Variants in DNAH11 observed in about 807,000 individuals in gnomAD.
DNAH11 encodes dynein axonemal heavy chain 11.
A neutral mutation model predicts 526.0 loss-of-function variants in DNAH11; 442 were observed. That is an observed-to-expected ratio of 0.84 (90% CI 0.78 to 0.91). The LOEUF (loss-of-function observed/expected upper bound fraction) is 0.91. DNAH11 is among the 40% of genes least tolerant of loss of function. DNAH11 has a pLI of 0.00. For synonymous variants in DNAH11, 2,461 were observed against 1,935.9 expected (o/e 1.27, Z -7.12); for missense variants, 6,989 against 5,448.7 (o/e 1.28, Z -8.90).
rs765500854 is a variant in DNAH11, at chr7:21,707,763, A to G, written c.6611A>G (p.Asn2204Ser). The change falls in exon 40 of 82, where the codon AAC (asparagine) becomes AGC (serine). Residue 2204 changes from asparagine to serine, a missense_variant. Asn to Ser is a conservative substitution (Grantham distance 46). Coordinates refer to ENST00000409508, the MANE Select transcript of DNAH11 (RefSeq NM_001277115.2). ...CAGAAGCCGGTTTGGAATGACTTAA[A>G]CCCTAAAGCTGTGACAACAGATGAA... ...MKQKPVWNDLNPKAVTTDELF... is the reference protein window; with the variant it reads ...MKQKPVWNDLSPKAVTTDELF... 7 of 1,613,284 alleles carry G rather than the reference A, an allele frequency of 4.3e-6. No individual in the cohort carries two copies. The highest frequency in any genetic ancestry group is 5.9e-6 in the Non-Finnish European group (7 of 1,179,572).
intron 20 of DNAH11, among the ~76,000 whole-genome samples, chr7:21,610,231 G>T (rs1785465082): frequency 1.3e-5 from 2 of 152,250 alleles, no homozygotes; most frequent in East Asian, 1.9e-4. Context: ...TCCAGCCTGG[G>T]CGACAGTGCG....
At chr7:21,692,914 G>T (rs1418198431) in intron 35 of DNAH11, among the ~76,000 whole-genome samples, 1 of 152,132 alleles carries the variant, frequency 6.6e-6, no homozygotes, top group Non-Finnish European at 1.5e-5. Context: ...GCATCTCCAT[G>T]ATGGCTAATG....
intron 18 of DNAH11, among the ~76,000 whole-genome samples, chr7:21,604,800 C>T (rs989760728): frequency 6.6e-6 from 1 of 152,196 alleles, no homozygotes; most frequent in Non-Finnish European, 1.5e-5. Context: ...GCTTCCCAGC[C>T]ATGGCCTCCG....
At chr7:21,881,824 C>T (rs1002105889) in intron 75 of DNAH11, among the ~76,000 whole-genome samples, 2 of 152,096 alleles carry the variant, frequency 1.3e-5, no homozygotes, top group Non-Finnish European at 2.9e-5. Context: ...CCCTTGGTAC[C>T]TAACAGGCAT....
intron 2 of DNAH11, among the ~76,000 whole-genome samples, chr7:21,548,861 A>T (rs1782909319): frequency 6.6e-6 from 1 of 151,908 alleles, no homozygotes; most frequent in Non-Finnish European, 1.5e-5. Flanking sequence ...GACCTCCGCA[A>T]TGTGGGAAAG....
At chr7:21,603,132 T>C (rs1785156136) in intron 18 of DNAH11, among the ~76,000 whole-genome samples, 1 of 152,234 alleles carries the variant, frequency 6.6e-6, no homozygotes, top group Non-Finnish European at 1.5e-5. Context: ...ACTCTAGATA[T>C]TTCAGATAGA....
In DNAH11 at chr7:21,658,717, G is replaced by A. The variant is rs73271695; in HGVS notation, c.5095-81G>A. On this transcript the variant is annotated intron_variant, in intron 29 of 81. Transcript: ENST00000409508. The stretch of plus-strand genomic sequence containing the variant: ...ATCCACCTGGGGCATTACCCTCTGC[G>A]TGGCCTTAGAGCCAGTAGGAGGATG... The A allele has an allele frequency of 7.3e-3, 8,834 of 1,209,724 alleles. 477 individuals are homozygous for A. The African/African-American group carries it at 0.12, about 16-fold the overall frequency. 74.9% of individuals were successfully genotyped at this position (1,209,724 alleles called of 1,614,324 possible). A position where few individuals can be genotyped will look rare whatever the true frequency, so the allele number is the denominator to read the frequency against.
chr7:21,845,765 G>T lies in DNAH11; in HGVS notation c.10896+3017G>T, dbSNP rs747767792. On this transcript the variant is annotated intron_variant, in intron 66 of 81. Coordinates refer to ENST00000409508, the MANE Select transcript of DNAH11 (RefSeq NM_001277115.2). ...TCAACATCTATAAAATAATGTACAG[G>T]TATTTTGAATAATATTGTGTTGAAT... is the stretch of plus-strand genomic sequence containing the variant. Among the ~76,000 whole-genome samples the T allele has an allele frequency of 4.6e-5, 7 of 152,048 alleles. No individual in the cohort carries two copies. In the South Asian group the frequency reaches 8.3e-4, roughly 18 times the overall value.
At chr7:21,665,466 G>A (rs1782387651) in intron 30 of DNAH11, among the ~76,000 whole-genome samples, 1 of 152,062 alleles carries the variant, frequency 6.6e-6, no homozygotes, top group Non-Finnish European at 1.5e-5. Context: ...TTGCAAGATA[G>A]TGCCAAATTT....
chr7:21,657,331 C>T (rs975561825), intron 29 of DNAH11, among the ~76,000 whole-genome samples: 4 of 152,082 alleles, frequency 2.6e-5, no homozygotes, highest in African/African-American at 9.7e-5. Flanking sequence ...CTCTTAGGCC[C>T]ATTGAGAAAA....
At chr7:21,653,531 C>CTTTG (rs1378568953) in intron 28 of DNAH11, among the ~76,000 whole-genome samples, 1 of 152,152 alleles carries the variant, frequency 6.6e-6, no homozygotes, top group African/African-American at 2.4e-5. Flanking sequence ...GCTCATTTAT[C>CTTTG]CAAAGGCTTT....
intron 14 of DNAH11, among the ~76,000 whole-genome samples, chr7:21,594,468 A>G (rs1784798649): frequency 6.6e-6 from 1 of 152,184 alleles, no homozygotes; most frequent in Non-Finnish European, 1.5e-5. Context: ...GCAGTGACAT[A>G]GTAAGTCGTG....
intron 28 of DNAH11, among the ~76,000 whole-genome samples, chr7:21,645,481 A>G (rs1273288980): frequency 6.6e-6 from 1 of 152,190 alleles, no homozygotes; most frequent in Non-Finnish European, 1.5e-5. Flanking sequence ...TAATTCATAG[A>G]TGTGGCCAAC....
At chr7:21,763,997 G>C (rs1396252032) in intron 54 of DNAH11, among the ~76,000 whole-genome samples, 1 of 151,896 alleles carries the variant, frequency 6.6e-6, no homozygotes, top group Non-Finnish European at 1.5e-5. Context: ...CAAACTCCTA[G>C]AAACAGAAAG....
In DNAH11 at chr7:21,600,808, C is replaced by T. The variant is rs377691013; in HGVS notation, c.3133C>T (p.Arg1045Ter). The T allele has an allele frequency of 1.2e-5, 20 of 1,613,728 alleles. No individual in the cohort carries two copies. The highest frequency in any genetic ancestry group is 3.3e-5 in the Admixed American group (2 of 59,994). The change falls in exon 16 of 82, where the codon CGA becomes TGA. Residue 1045 changes from arginine to a stop codon, truncating the protein, a stop_gained. Transcript: ENST00000409508. LOFTEE classifies it high-confidence loss of function. Reference sequence around the variant, plus strand: ...CCACACTTACCTCTGGGTGGATGATCGAGCTGAGTTTATGAAGCATTTTCT... The same window carrying T: ...CCACACTTACCTCTGGGTGGATGATTGAGCTGAGTTTATGAAGCATTTTCT... ...ETHTYLWVDD[R>*]AEFMKHFLLY...
At chr7:21,849,348 G>C (rs553294369) in intron 66 of DNAH11, among the ~76,000 whole-genome samples, 1 of 152,102 alleles carries the variant, frequency 6.6e-6, no homozygotes, top group Non-Finnish European at 1.5e-5. Flanking sequence ...TTACTGTTTT[G>C]AACAGACAGC....
Position 21,880,084 on chromosome 7 carries a change from CAA to C in DNAH11, c.12196-602_12196-601del, listed in dbSNP as rs57931095. ...TGGGTGACAGAGCAAGACTCCGTCTCAAAAAAAAAAAAAAAAAGAAAGAAAGA... is the reference window on the plus strand; with the variant it reads ...TGGGTGACAGAGCAAGACTCCGTCTCAAAAAAAAAAAAAAAGAAAGAAAGA... On this transcript the variant is annotated intron_variant, in intron 74 of 81. Transcript: ENST00000409508. 8.3e-3 allele frequency among the ~76,000 whole-genome samples: 779 copies of C among 93,686 alleles called. 6 individuals are homozygous for C. The highest frequency in any genetic ancestry group is 0.027 in the African/African-American group (707 of 26,198). 61.5% of individuals were successfully genotyped at this position (93,686 alleles called of 152,430 possible). A position where few individuals can be genotyped will look rare whatever the true frequency, so the allele number is the denominator to read the frequency against.
At chr7:21,677,854 G>A (rs1250916869) in intron 30 of DNAH11, among the ~76,000 whole-genome samples, 1 of 152,216 alleles carries the variant, frequency 6.6e-6, no homozygotes, top group Non-Finnish European at 1.5e-5. Context: ...TCATATACTA[G>A]TTAGACATTT....
At chr7:21,643,105 A>T (rs1424836697) in intron 28 of DNAH11, among the ~76,000 whole-genome samples, 1 of 152,234 alleles carries the variant, frequency 6.6e-6, no homozygotes, top group Non-Finnish European at 1.5e-5. Flanking sequence ...TGCAGGATTC[A>T]TTGACATGGT....
Sources: allele counts gnomAD v4.1 joint callset (sites outside exome capture counted in the v4.1 genomes callset), GRCh38; gene constraint gnomAD v4.1.1; transcripts MANE v1.5; gene names NCBI Gene and HGNC (gene_info 2026-07-23, HGNC 2026-07-21).